Variants in NAB1 observed in about 807,000 individuals in gnomAD.
The protein encoded by NAB1 is NGFI-A binding protein 1.
Under a neutral mutation model 49.9 loss-of-function variants are expected in NAB1, and 25 were observed. The observed-to-expected ratio is 0.50, with a 90% CI of 0.37 to 0.70. NAB1 has a LOEUF of 0.70. Ranked by LOEUF, NAB1 falls within the 30% of genes least tolerant of loss-of-function variation. The pLI, the probability that NAB1 is intolerant of heterozygous loss-of-function variation, is 0.00. For synonymous variants in NAB1, 198 were observed against 215.6 expected (o/e 0.92, Z 0.71); for missense variants, 489 against 575.9 (o/e 0.85, Z 1.54).
At position 190,678,210 on chromosome 2, in the gene NAB1, C is replaced by T. The variant is rs919366651; in HGVS notation, c.1005+5058C>T. On this transcript the variant is annotated intron_variant, in intron 6 of 9. Transcript: ENST00000337386. The surrounding 1 kb of genome is among the most constrained non-coding windows in gnomAD (Gnocchi z 4.9). ...GAACATATTTAAGGTGGCTTGACAG[C>T]TCATTCAAGGGGATGAAAAATCAAG... Among the ~76,000 whole-genome samples, 1 of 152,160 alleles carries T rather than the reference C, an allele frequency of 6.6e-6. No homozygotes were observed. Among genetic ancestry groups the T allele is most frequent in the African/African-American group, 2.4e-5 (1 of 41,416 alleles).
At position 190,659,057 on chromosome 2, in the gene NAB1, G is replaced by T; in HGVS notation, c.-19-101G>T. On this transcript the variant is annotated intron_variant, in intron 3 of 9. Transcript: ENST00000337386. This position sits in a 1 kb window ranked among gnomAD's most constrained non-coding sequence, Gnocchi z 6.2. Reference sequence around the variant, plus strand: ...CTTCACAGGCAGTCACGATGCAGATGCTTCTCGTTTTTGTTCTTAAAACCT... The same window carrying T: ...CTTCACAGGCAGTCACGATGCAGATTCTTCTCGTTTTTGTTCTTAAAACCT... 1 of 721,926 alleles carries T rather than the reference G, an allele frequency of 1.4e-6. No homozygotes were observed. Among genetic ancestry groups the T allele is most frequent in the Non-Finnish European group, 2.2e-6 (1 of 446,952 alleles). The allele number at this position is 721,926 out of a possible 1,614,324, so 44.7% of individuals were successfully genotyped here.
intron 3 of NAB1, among the ~76,000 whole-genome samples, chr2:190,658,738 T>C (rs1055802019): frequency 6.6e-6 from 1 of 152,222 alleles, no homozygotes; most frequent in Non-Finnish European, 1.5e-5. Flanking sequence ...TAATGTAAAG[T>C]GTTTATTGTA....
At chr2:190,656,176 TGG>T (rs1236925699) in intron 3 of NAB1, 23 bp downstream of exon 3, 2 of 152,216 alleles carry the variant, frequency 1.3e-5, no homozygotes, top group Non-Finnish European at 2.9e-5. Flanking sequence ...TTCAGCTGAG[TGG>T]ATTTACAATA....
chr2:190,667,615 T>C lies in NAB1; in HGVS notation c.820-2711T>C, dbSNP rs1262420884. Among the ~76,000 whole-genome samples the C allele has an allele frequency of 6.6e-6, 1 of 152,182 alleles. No individual in the cohort carries two copies. Among genetic ancestry groups the C allele is most frequent in the Non-Finnish European group, 1.5e-5 (1 of 68,006 alleles). ...TCAATTATGCTTTCATATTCAGCTA[T>C]GGGTTTAAAATAGGAGACCTGGGTT... On this transcript the variant is annotated intron_variant, in intron 4 of 9. Transcript: ENST00000337386. The surrounding 1 kb of genome is among the most constrained non-coding windows in gnomAD (Gnocchi z 4.4).
Position 190,664,614 on chromosome 2 carries a change from T to TTTG in NAB1, c.819+4619_819+4620insTTG, listed in dbSNP as rs1553548974. ...TTTTTTTTTTTTTTTTTTTTTTTTT[T>TTTG]GTAGGGACAGGGTTTCCACGTTGCC... On this transcript the variant is annotated intron_variant, in intron 4 of 9. Transcript: ENST00000337386. Among the ~76,000 whole-genome samples, 13 of 111,872 alleles carry TTTG rather than the reference T, an allele frequency of 1.2e-4. 1 individual carries two copies. Among genetic ancestry groups the TTTG allele is most frequent in the African/African-American group, 1.9e-4 (5 of 26,210 alleles). The allele number at this position is 111,872 out of a possible 152,430, so 73.4% of individuals were successfully genotyped here. A position where few individuals can be genotyped will look rare whatever the true frequency, so the allele number is the denominator to read the frequency against.
chr2:190,690,184 G>T, intron 9 of NAB1, 61 bp from the exon 10 acceptor site: 1 of 1,176,070 alleles, frequency 8.5e-7, no homozygotes, highest in Non-Finnish European at 1.3e-6. Context: ...TTAAAACTTT[G>T]TTTGATTTTT....
chr2:190,673,571 G>A (rs1694927704), intron 6 of NAB1, among the ~76,000 whole-genome samples: 1 of 152,138 alleles, frequency 6.6e-6, no homozygotes, highest in Admixed American at 6.5e-5. Context: ...TTTGCAATCG[G>A]TGTTTCTTAC....
chr2:190,655,872 A>G (rs1325897284), intron 2 of NAB1, 105 bp from the exon 3 acceptor site: 1 of 152,260 alleles, frequency 6.6e-6, no homozygotes, highest in African/African-American at 2.4e-5. Context: ...TTTTGGAACA[A>G]ATGATTACCG....
In NAB1 at chr2:190,666,634, G is replaced by A. The variant is rs756719982; in HGVS notation, c.820-3692G>A. On this transcript the variant is annotated intron_variant, in intron 4 of 9. Transcript: ENST00000337386. This position sits in a 1 kb window ranked among gnomAD's most constrained non-coding sequence, Gnocchi z 5.6. ...TGAGACAGGAGAATCGCTTGAACCC[G>A]GGGCGCTGAGGTTGCGCCACTGCAT... 8.5e-5 allele frequency among the ~76,000 whole-genome samples: 13 copies of A among 152,176 alleles called. No homozygotes were observed. Among genetic ancestry groups the A allele is most frequent in the African/African-American group, 2.9e-4 (12 of 41,502 alleles).
chr2:190,690,493 G>A lies in NAB1; in HGVS notation c.*160G>A. ...TACGGTAGTCTGTGGAAACCAGGAA[G>A]ATAAAACAACAGCCACAAAAGAGAA... On this transcript the variant is annotated 3_prime_UTR_variant, in exon 10 of 10. Coordinates refer to ENST00000337386, the MANE Select transcript of NAB1 (RefSeq NM_005966.4). 3.7e-6 allele frequency: 2 copies of A among 544,240 alleles called. No individual in the cohort carries two copies. The highest frequency in any genetic ancestry group is 6.5e-6 in the Non-Finnish European group (2 of 306,396). 33.7% of individuals were successfully genotyped at this position (544,240 alleles called of 1,614,324 possible). A position where few individuals can be genotyped will look rare whatever the true frequency, so the allele number is the denominator to read the frequency against.
chr2:190,649,994 T>TGA lies in NAB1; in HGVS notation c.-197+13_-197+14dup, dbSNP rs550203062. The TGA allele has an allele frequency of 1.6e-4, 25 of 152,350 alleles. No homozygotes were observed. The highest frequency in any genetic ancestry group is 5.3e-4 in the African/African-American group (22 of 41,562). 9.4% of individuals were successfully genotyped at this position (152,350 alleles called of 1,614,324 possible). On this transcript the variant is annotated intron_variant, in intron 2 of 9. Transcript: ENST00000337386. This position sits in a 1 kb window ranked among gnomAD's most constrained non-coding sequence, Gnocchi z 6.1. ...CGTTGGATATAGAGGTGTGTGTGTGTGACCTTATCATGGAGAAACACTGAA... is the reference window on the plus strand; with the variant it reads ...CGTTGGATATAGAGGTGTGTGTGTGTGAGACCTTATCATGGAGAAACACTGAA...
At chr2:190,688,162 C>A (rs1242462097) in intron 9 of NAB1, among the ~76,000 whole-genome samples, 3 of 152,200 alleles carry the variant, frequency 2.0e-5, no homozygotes, top group African/African-American at 2.4e-5. Context: ...ATCAACGTCA[C>A]TGATTTTATA....
intron 6 of NAB1, among the ~76,000 whole-genome samples, chr2:190,673,761 G>A (rs949100063): frequency 3.3e-5 from 5 of 152,292 alleles, no homozygotes; most frequent in Non-Finnish European, 5.9e-5. Flanking sequence ...AGAGTGTCAC[G>A]GTTGAGGCTG....
chr2:190,662,725 C>T (rs538994288), intron 4 of NAB1, among the ~76,000 whole-genome samples: 1 of 152,242 alleles, frequency 6.6e-6, no homozygotes, highest in African/African-American at 2.4e-5. Context: ...TTGTAATACT[C>T]AGAAATGTAA....
At position 190,685,357 on chromosome 2, in the gene NAB1, T is replaced by G. The variant is rs938824565; in HGVS notation, c.1096-119T>G. 1.9e-5 allele frequency: 16 copies of G among 861,582 alleles called. No individual in the cohort carries two copies. The highest frequency in any genetic ancestry group is 2.8e-5 in the Non-Finnish European group (16 of 571,538). The allele number at this position is 861,582 out of a possible 1,614,324, so 53.4% of individuals were successfully genotyped here. A position where few individuals can be genotyped will look rare whatever the true frequency, so the allele number is the denominator to read the frequency against. ...TATGGAATTTGTATACCACATGAAG[T>G]GTGAACTAATTTTAATGAATACTAA... On this transcript the variant is annotated intron_variant, in intron 7 of 9. Coordinates refer to ENST00000337386, the MANE Select transcript of NAB1 (RefSeq NM_005966.4). This position sits in a 1 kb window ranked among gnomAD's most constrained non-coding sequence, Gnocchi z 4.5.
rs1162455146 is a variant in NAB1 at position 190,652,750 on chromosome 2, T to C, written c.-197+2768T>C. Among the ~76,000 whole-genome samples, 1 of 152,336 alleles carries C rather than the reference T, an allele frequency of 6.6e-6. No homozygotes were observed. Among genetic ancestry groups the C allele is most frequent in the South Asian group, 2.1e-4 (1 of 4,832 alleles). Reference sequence around the variant, plus strand: ...TAATATGTGTGCCTAGGTAAATCACTGGAAGCTTGAAACACATACATGGGA... The same window carrying C: ...TAATATGTGTGCCTAGGTAAATCACCGGAAGCTTGAAACACATACATGGGA... On this transcript the variant is annotated intron_variant, in intron 2 of 9. Transcript: ENST00000337386. The surrounding 1 kb of genome is among the most constrained non-coding windows in gnomAD (Gnocchi z 4.2).
In NAB1 at chr2:190,670,629, T is replaced by C. The variant is rs1487298122; in HGVS notation, c.953+170T>C. ...GAAAACATTGCCAAGGTGATTTTTG[T>C]TGTTTAATTCTCACTGTTCTCTTTT... On this transcript the variant is annotated intron_variant, in intron 5 of 9. Transcript: ENST00000337386. The surrounding 1 kb of genome is among the most constrained non-coding windows in gnomAD (Gnocchi z 5.3). Among the ~76,000 whole-genome samples, 1 of 152,240 alleles carries C rather than the reference T, an allele frequency of 6.6e-6. No homozygotes were observed. Among genetic ancestry groups the C allele is most frequent in the African/African-American group, 2.4e-5 (1 of 41,474 alleles).
At position 190,690,931 on chromosome 2, in the gene NAB1, A is replaced by C. The variant is rs1695914813; in HGVS notation, c.*598A>C. The C allele has an allele frequency of 6.6e-6, 1 of 152,546 alleles. No homozygotes were observed. The highest frequency in any genetic ancestry group is 2.4e-5 in the African/African-American group (1 of 41,468). 9.4% of individuals were successfully genotyped at this position (152,546 alleles called of 1,614,324 possible). A position where few individuals can be genotyped will look rare whatever the true frequency, so the allele number is the denominator to read the frequency against. On this transcript the variant is annotated 3_prime_UTR_variant, in exon 10 of 10. Transcript: ENST00000337386. ...TAAAACTGATTTTGTTTAACAGGAA[A>C]TTTTTAGCATTCAGTCATATAACAT...
At chr2:190,655,261 T>C (rs746084370) in intron 2 of NAB1, among the ~76,000 whole-genome samples, 4 of 152,234 alleles carry the variant, frequency 2.6e-5, no homozygotes, top group Non-Finnish European at 5.9e-5. Flanking sequence ...GGCATCTTTT[T>C]CACTCAGCAG....
Sources: allele counts gnomAD v4.1 joint callset (sites outside exome capture counted in the v4.1 genomes callset), GRCh38; gene constraint gnomAD v4.1.1; non-coding constraint Gnocchi (gnomAD v3.1); transcripts MANE v1.5; gene names NCBI Gene and HGNC (gene_info 2026-07-23, HGNC 2026-07-21).